The following DNM3 variants were observed in gnomAD, a reference collection of about 807,000 sequenced individuals.
DNM3 encodes the protein dynamin 3, also known as dynamin-3.
A neutral mutation model predicts 101.6 loss-of-function variants in DNM3; 47 were observed. The observed-to-expected ratio is 0.46, with a 90% CI of 0.37 to 0.59. The LOEUF (loss-of-function observed/expected upper bound fraction) is 0.59, where lower values mean the gene tolerates loss of function less well. Among genes scored for constraint, DNM3 ranks in the 20% least tolerant of loss-of-function variants. The pLI, the probability that DNM3 is intolerant of heterozygous loss-of-function variation, is 0.00. For missense variants in DNM3, 849 were observed against 1,085.7 expected, an observed-to-expected ratio of 0.78 and a Z score of 3.06; for synonymous variants, 385 against 387.9, an observed-to-expected ratio of 0.99 and a Z score of 0.09.
intron 4 of DNM3, among the ~76,000 whole-genome samples, chr1:172,031,450 T>C (rs1027014478): frequency 6.6e-6 from 1 of 151,634 alleles, no homozygotes; most frequent in Non-Finnish European, 1.5e-5. Flanking sequence ...AGCTAATGCA[T>C]TGGGAGGCTT....
Position 172,082,351 on chromosome 1 carries a change from G to A in DNM3, c.1493+449G>A, listed in dbSNP as rs539947184. ...TTTTTTTTTTTTTTTTAAACTTTGC[G>A]AAATTAGATGTAATCTGTCGGGGTG... On this transcript the variant is annotated intron_variant, in intron 12 of 20. Coordinates refer to ENST00000627582, the MANE Select transcript of DNM3 (RefSeq NM_015569.5). 5.4e-4 allele frequency among the ~76,000 whole-genome samples: 81 copies of A among 148,876 alleles called. 1 individual carries two copies. The South Asian group carries it at 0.016, about 29-fold the overall frequency.
intron 1 of DNM3, among the ~76,000 whole-genome samples, chr1:171,912,589 T>C (rs1025732877): frequency 6.6e-6 from 1 of 152,182 alleles, no homozygotes; most frequent in Non-Finnish European, 1.5e-5. Context: ...CTATCATATA[T>C]AGCTGACAGG....
chr1:172,137,791 A>G (rs576609802), intron 14 of DNM3: 1 of 152,308 alleles, frequency 6.6e-6, no homozygotes, highest in South Asian at 2.1e-4. Flanking sequence ...AATTTTATCC[A>G]TCTTCCCACC....
At chr1:171,952,771 A>G (rs2042610661) in intron 2 of DNM3, among the ~76,000 whole-genome samples, 1 of 152,240 alleles carries the variant, frequency 6.6e-6, no homozygotes, top group South Asian at 2.1e-4. Flanking sequence ...GAATCAATGA[A>G]TAACTTATAT....
At chr1:171,861,384 T>C (rs769314019) in intron 1 of DNM3, among the ~76,000 whole-genome samples, 15 of 152,174 alleles carry the variant, frequency 9.9e-5, no homozygotes, top group Non-Finnish European at 1.8e-4. Context: ...GGTGTAAATA[T>C]ACACATACTA....
chr1:172,003,861 A>G (rs1198314851), intron 4 of DNM3, among the ~76,000 whole-genome samples: 1 of 151,928 alleles, frequency 6.6e-6, no homozygotes, highest in Non-Finnish European at 1.5e-5. Flanking sequence ...GGAGAAATGT[A>G]TTTTGACCAG....
At chr1:172,339,252 G>T (rs570468483) in intron 17 of DNM3, among the ~76,000 whole-genome samples, 2 of 152,280 alleles carry the variant, frequency 1.3e-5, no homozygotes, top group South Asian at 4.1e-4. Flanking sequence ...CACACTTGGG[G>T]GAAGGAAGCA....
At chr1:172,412,893 G>A (rs1455868337), downstream of DNM3, among the ~76,000 whole-genome samples, 1 of 152,118 alleles carries the variant, frequency 6.6e-6, no homozygotes, top group Non-Finnish European at 1.5e-5. Flanking sequence ...TTTTTAAAGG[G>A]AACAAATTGG....
At chr1:172,369,608 G>T (rs1414344177) in intron 17 of DNM3, among the ~76,000 whole-genome samples, 3 of 151,914 alleles carry the variant, frequency 2.0e-5, no homozygotes, top group Non-Finnish European at 4.4e-5. Context: ...AGTACTGGAA[G>T]TTCTAGCCAG....
chr1:172,374,775 C>T (rs553675167), intron 17 of DNM3, among the ~76,000 whole-genome samples: 1 of 152,150 alleles, frequency 6.6e-6, no homozygotes, highest in Non-Finnish European at 1.5e-5. Flanking sequence ...TATAGTGCAT[C>T]TATACTCATC....
intron 14 of DNM3, chr1:172,133,462 G>T (rs2057049613): frequency 1.0e-6 from 1 of 981,630 alleles, no homozygotes. Context: ...GGTAGTTGGG[G>T]GCAGGTGAGA....
chr1:172,247,991 T>A (rs1236563812), intron 14 of DNM3, among the ~76,000 whole-genome samples: 1 of 152,096 alleles, frequency 6.6e-6, no homozygotes, highest in African/African-American at 2.4e-5. Flanking sequence ...GCCTTTATTC[T>A]TATTCTTATT....
chr1:172,287,073 C>A (rs528421729), intron 15 of DNM3, among the ~76,000 whole-genome samples: 13 of 152,278 alleles, frequency 8.5e-5, no homozygotes, highest in Non-Finnish European at 1.8e-4. Context: ...AGCCAGTCCT[C>A]CTCTTTTGAG....
chr1:172,225,726 C>A lies in DNM3; in HGVS notation c.1660-27847C>A, dbSNP rs748164566. 6.2e-4 allele frequency among the ~76,000 whole-genome samples: 95 copies of A among 152,070 alleles called. 1 individual carries two copies. Among genetic ancestry groups the A allele is most frequent in the South Asian group, 2.1e-4 (1 of 4,816 alleles). ...GTGTGATTGTCCACTGCACTTCAGC[C>A]TGGTGACAGAGAAAGACCCTGTCCC... On this transcript the variant is annotated intron_variant, in intron 14 of 20. Coordinates refer to ENST00000627582, the MANE Select transcript of DNM3 (RefSeq NM_015569.5).
At chr1:171,886,496 T>C (rs532707673) in intron 1 of DNM3, among the ~76,000 whole-genome samples, 1 of 152,294 alleles carries the variant, frequency 6.6e-6, no homozygotes, top group African/African-American at 2.4e-5. Context: ...CTGGAACAAA[T>C]TTTAATGATG....
intron 14 of DNM3, among the ~76,000 whole-genome samples, chr1:172,214,625 C>T (rs932990528): frequency 4.6e-5 from 7 of 151,974 alleles, no homozygotes; most frequent in South Asian, 4.1e-4. Context: ...TCGAATCTTA[C>T]AGTAACTTAA....
intron 2 of DNM3, among the ~76,000 whole-genome samples, chr1:171,980,812 T>A (rs1453886769): frequency 1.4e-5 from 2 of 141,458 alleles, no homozygotes; most frequent in African/African-American, 5.3e-5. Flanking sequence ...ACTCTGTCAC[T>A]CAGGCTGGAG....
intron 14 of DNM3, among the ~76,000 whole-genome samples, chr1:172,213,538 A>AG (rs1553419737): frequency 7.0e-5 from 10 of 143,878 alleles, no homozygotes; most frequent in African/African-American, 2.5e-4. Flanking sequence ...AAAAAAAAAA[A>AG]GCCTATTGGT....
At chr1:172,294,773 C>CG (rs573444695) in intron 15 of DNM3, among the ~76,000 whole-genome samples, 1 of 151,820 alleles carries the variant, frequency 6.6e-6, no homozygotes, top group African/African-American at 2.4e-5. Flanking sequence ...ATTAGCCAGG[C>CG]TGGGACTGCA....
Sources: allele counts gnomAD v4.1 joint callset (sites outside exome capture counted in the v4.1 genomes callset), GRCh38; gene constraint gnomAD v4.1.1; transcripts MANE v1.5; gene names NCBI Gene and HGNC (gene_info 2026-07-23, HGNC 2026-07-21).